The following PRKAA1 variants were observed in gnomAD, a reference collection of about 807,000 sequenced individuals.
The protein encoded by PRKAA1 is protein kinase AMP-activated catalytic subunit alpha 1, also known as 5'-AMP-activated protein kinase catalytic subunit alpha-1.
A neutral mutation model predicts 56.9 loss-of-function variants in PRKAA1; 23 were observed. The observed-to-expected ratio is 0.40, with a 90% CI of 0.29 to 0.57. The LOEUF (loss-of-function observed/expected upper bound fraction) is 0.57, where lower values mean the gene tolerates loss of function less well. PRKAA1 is among the 20% of genes least tolerant of loss of function. The probability of loss-of-function intolerance (pLI) is 0.39; values close to 1 mark genes in which losing one functional copy is unlikely to be tolerated. For missense variants in PRKAA1, 413 were observed against 679.7 expected (o/e 0.61, Z 4.36); for synonymous variants, 226 against 227.0 (o/e 1.00, Z 0.04).
chr5:40,763,806 A>G (rs149723148), intron 8 of PRKAA1, among the ~76,000 whole-genome samples: 2 of 152,252 alleles, frequency 1.3e-5, no homozygotes, highest in African/African-American at 2.4e-5. Context: ...CCAACATATC[A>G]TGGCTCAAAC....
intron 4 of PRKAA1, 131 bp from the exon 5 acceptor site, chr5:40,769,634 A>G: frequency 1.3e-6 from 1 of 747,924 alleles, no homozygotes; most frequent in Non-Finnish European, 2.2e-6. Flanking sequence ...ACAAAATCCT[A>G]TGGTCTATTG....
chr5:40,765,574 CTT>C (rs1579712725), intron 6 of PRKAA1, among the ~76,000 whole-genome samples: 1 of 152,202 alleles, frequency 6.6e-6, no homozygotes, highest in East Asian at 1.9e-4. Context: ...TTATAATACT[CTT>C]TTGATATAAT....
At chr5:40,769,878 TAAAAAAAAA>T (rs3071208) in intron 4 of PRKAA1, among the ~76,000 whole-genome samples, 6 of 109,910 alleles carry the variant, frequency 5.5e-5, no homozygotes, top group Non-Finnish European at 7.2e-5. Flanking sequence ...TCTGATTCTT[TAAAAAAAAA>T]AAAAAAAAAA....
chr5:40,785,821 AGCACACACAC>A (rs1744444087), intron 1 of PRKAA1, among the ~76,000 whole-genome samples: 1 of 58,438 alleles, frequency 1.7e-5, no homozygotes, highest in Admixed American at 2.6e-4. Flanking sequence ...AGAAGAGGAG[AGCACACACAC>A]ACACACACAG....
At position 40,793,465 on chromosome 5, in the gene PRKAA1, G is replaced by A. The variant is rs181142228; in HGVS notation, c.127+4598C>T. 1.9e-4 allele frequency among the ~76,000 whole-genome samples: 29 copies of A among 152,098 alleles called. 1 individual carries two copies. The highest frequency in any genetic ancestry group is 1.0e-3 in the South Asian group (5 of 4,808). ...TCCGAACTTCCAGCCTACTCTCCCC[G>A]CAAAATTAAATTTCCTATAAGCATG... On this transcript the variant is annotated intron_variant, in intron 1 of 8. Transcript: ENST00000397128.
At position 40,777,484 on chromosome 5, in the gene PRKAA1, T is replaced by C; in HGVS notation, c.230A>G (p.Gln77Arg). ...DVVGKIRREI[Q>R]NLKLFRHPHI... ...AGGATGCCTGAAAAGCTTGAGGTTCTGAATTTCTCTGCGGATTTTTCCTAC... is the reference window on the plus strand; with the variant it reads ...AGGATGCCTGAAAAGCTTGAGGTTCCGAATTTCTCTGCGGATTTTTCCTAC... Residue 77 changes from glutamine (Q) to arginine (R), a missense_variant, in exon 2 of 9, where the codon CAG becomes CGG. Around this residue, in one of 9 missense-constraint regions of PRKAA1, gnomAD observed 16 missense variants for 30.9 expected, o/e 0.52. Coordinates refer to ENST00000397128, the MANE Select transcript of PRKAA1 (RefSeq NM_006251.6). 6.2e-7 allele frequency: 1 copy of C among 1,613,752 alleles called. No individual in the cohort carries two copies.
chr5:40,765,331 A>G, intron 6 of PRKAA1, 93 bp from the exon 7 acceptor site: 3 of 1,357,760 alleles, frequency 2.2e-6, no homozygotes, highest in Non-Finnish European at 1.0e-6. Context: ...GACTTAATTT[A>G]TATTTATATT....
Position 40,759,443 on chromosome 5 carries a change from A to G in PRKAA1, c.*3335T>C. On this transcript the variant is annotated 3_prime_UTR_variant, in exon 9 of 9. Coordinates refer to ENST00000397128, the MANE Select transcript of PRKAA1 (RefSeq NM_006251.6). ...TTTCTAAATCAAGGAAGCTGAAATT[A>G]TATACTTAAATATACTCTGGTCAAA... The G allele has an allele frequency of 6.6e-6, 1 of 152,400 alleles. No individual in the cohort carries two copies. The highest frequency in any genetic ancestry group is 2.1e-4 in the South Asian group (1 of 4,828). The allele number at this position is 152,400 out of a possible 1,614,324, so 9.4% of individuals were successfully genotyped here.
intron 1 of PRKAA1, among the ~76,000 whole-genome samples, chr5:40,790,525 C>CTCTTTTTTTTTTTTT (rs546238399): frequency 8.9e-6 from 1 of 112,024 alleles, no homozygotes; most frequent in Admixed American, 8.4e-5. Flanking sequence ...TCAACTCTTT[C>CTCTTTTTTTTTTTTT]TTTTTTTTTT....
intron 1 of PRKAA1, among the ~76,000 whole-genome samples, chr5:40,791,708 C>T (rs1478476836): frequency 6.6e-6 from 1 of 152,124 alleles, no homozygotes; most frequent in East Asian, 1.9e-4. Context: ...GCTTTAAAAG[C>T]TATAGATCGT....
At chr5:40,796,298 A>G (rs1418732366) in intron 1 of PRKAA1, among the ~76,000 whole-genome samples, 2 of 152,114 alleles carry the variant, frequency 1.3e-5, no homozygotes, top group Non-Finnish European at 2.9e-5. Context: ...AGCCTGGGCA[A>G]CAGAGCAAGA....
At chr5:40,763,381 A>T (rs1040360633) in intron 8 of PRKAA1, among the ~76,000 whole-genome samples, 1 of 152,192 alleles carries the variant, frequency 6.6e-6, no homozygotes, top group African/African-American at 2.4e-5. Flanking sequence ...TAAAATTTGG[A>T]GGGTATACTG....
chr5:40,785,271 C>T (rs1406350369), intron 1 of PRKAA1, among the ~76,000 whole-genome samples: 1 of 151,956 alleles, frequency 6.6e-6, no homozygotes. Flanking sequence ...CGGAGTTTTG[C>T]TCTTGTTGCC....
At chr5:40,774,357 C>T (rs1743890158) in intron 3 of PRKAA1, among the ~76,000 whole-genome samples, 1 of 151,994 alleles carries the variant, frequency 6.6e-6, no homozygotes, top group African/African-American at 2.4e-5. Flanking sequence ...AGGCAAATAA[C>T]AGCAGACTAA....
At chr5:40,796,913 AATT>A (rs1744950652) in intron 1 of PRKAA1, among the ~76,000 whole-genome samples, 1 of 152,206 alleles carries the variant, frequency 6.6e-6, no homozygotes, top group Non-Finnish European at 1.5e-5. Flanking sequence ...CCAATGCATG[AATT>A]ATTTTTATCA....
intron 1 of PRKAA1, among the ~76,000 whole-genome samples, chr5:40,787,010 G>A (rs1053919737): frequency 2.0e-5 from 3 of 151,714 alleles, no homozygotes; most frequent in African/African-American, 7.3e-5. Flanking sequence ...TCTTCAAGCT[G>A]AATAAAGAAG....
At chr5:40,771,102 C>G (rs770502350) in intron 4 of PRKAA1, among the ~76,000 whole-genome samples, 19 of 152,050 alleles carry the variant, frequency 1.2e-4, no homozygotes, top group Non-Finnish European at 2.2e-4. Flanking sequence ...ATACTTGATT[C>G]TTTTGAACAT....
At position 40,759,583 on chromosome 5, in the gene PRKAA1, G is replaced by A. The variant is rs1198955303; in HGVS notation, c.*3195C>T. 2 of 152,298 alleles carry A rather than the reference G, an allele frequency of 1.3e-5. No individual in the cohort carries two copies. Among genetic ancestry groups the A allele is most frequent in the Non-Finnish European group, 2.9e-5 (2 of 68,028 alleles). The allele number at this position is 152,298 out of a possible 1,614,324, so 9.4% of individuals were successfully genotyped here. On this transcript the variant is annotated 3_prime_UTR_variant, in exon 9 of 9. Transcript: ENST00000397128. ...TGGAAATAAAATTTCTATTATGGGT[G>A]AGAAGATGAGGGAAAGAATTAAGGG... is the stretch of plus-strand genomic sequence containing the variant.
intron 1 of PRKAA1, among the ~76,000 whole-genome samples, chr5:40,788,839 A>C (rs1311477550): frequency 1.3e-5 from 2 of 151,752 alleles, no homozygotes; most frequent in East Asian, 3.9e-4. Context: ...AAAAACAAAC[A>C]AACAAGCAAA....
Sources: allele counts gnomAD v4.1 joint callset (sites outside exome capture counted in the v4.1 genomes callset), GRCh38; gene constraint gnomAD v4.1.1; regional missense constraint gnomAD v4.1.1; transcripts MANE v1.5; gene names NCBI Gene and HGNC (gene_info 2026-07-23, HGNC 2026-07-21).